The following FRYL variants were observed in gnomAD, a reference collection of about 807,000 sequenced individuals.
FRYL encodes protein furry homolog-like.
A neutral mutation model predicts 351.2 loss-of-function variants in FRYL; 150 were observed. The ratio of observed to expected loss-of-function variants is 0.43; its 90% CI spans 0.37 to 0.49. FRYL has a LOEUF of 0.49. Among genes scored for constraint, FRYL ranks in the 20% least tolerant of loss-of-function variants. FRYL has a pLI of 0.00. For synonymous variants in FRYL, 1,153 were observed against 1,257.1 expected (o/e 0.92, Z 1.75); for missense variants, 3,036 against 3,619.3 (o/e 0.84, Z 4.13).
Position 48,570,893 on chromosome 4 carries a change from T to A in FRYL, c.2930A>T (p.Asp977Val). 6.2e-7 allele frequency: 1 copy of A among 1,613,810 alleles called. No individual in the cohort carries two copies. The highest frequency in any genetic ancestry group is 8.5e-7 in the Non-Finnish European group (1 of 1,179,728). ...TCGTACCAGTTGTACTCGTAAAATG[T>A]CTCGACGCCTGCGCCGTTTCATATT... ...PENMKRRRRRDILRVQLVRIF... is the reference protein window; with the variant it reads ...PENMKRRRRRVILRVQLVRIF... Residue 977 changes from aspartate to valine, a missense_variant, in exon 27 of 64, where the codon GAC becomes GTC. Asp to Val is a radical substitution (Grantham distance 152). Around this residue, in one of 7 missense-constraint regions of FRYL, gnomAD observed 492 missense variants for 551.5 expected, o/e 0.89. Coordinates refer to ENST00000358350, the MANE Select transcript of FRYL (RefSeq NM_015030.2).
intron 1 of FRYL, chr4:48,727,505 A>G (rs969158080): frequency 6.6e-6 from 1 of 152,234 alleles, no homozygotes; most frequent in East Asian, 1.9e-4. Context: ...TAATTGACAA[A>G]TTGTTGGAGG....
Position 48,561,567 on chromosome 4 carries a change from G to A in FRYL, c.3766C>T (p.Gln1256Ter), listed in dbSNP as rs755819524. 1 of 1,612,702 alleles carries A rather than the reference G, an allele frequency of 6.2e-7. No individual in the cohort carries two copies. The highest frequency in any genetic ancestry group is 2.2e-5 in the East Asian group (1 of 44,856). The change falls in exon 33 of 64, where the codon CAG (glutamine) becomes TAG (stop). Residue 1256 changes from glutamine to a stop codon, truncating the protein, a stop_gained. Coordinates refer to ENST00000358350, the MANE Select transcript of FRYL (RefSeq NM_015030.2). LOFTEE classifies it high-confidence loss of function. ...EVQRTDGVLS[Q>*]LSPLPHLYSV... The stretch of plus-strand genomic sequence containing the variant: ...TAGAGATGTGGTAGAGGAGACAGCT[G>A]GCTGAGTACTCCATCTGTTCTCTGA...
intron 11 of FRYL, among the ~76,000 whole-genome samples, chr4:48,604,320 AGGCCTAGTATTAT>A (rs1290333330): frequency 6.6e-6 from 1 of 152,224 alleles, no homozygotes; most frequent in Non-Finnish European, 1.5e-5. Context: ...GCATGTGCAA[AGGCCTAGTATTAT>A]GGGTTGAATC....
chr4:48,629,454 G>A (rs975201521), intron 4 of FRYL, among the ~76,000 whole-genome samples: 2 of 152,118 alleles, frequency 1.3e-5, no homozygotes, highest in Non-Finnish European at 2.9e-5. Flanking sequence ...TCGGCAGTCT[G>A]TTCATTCAGT....
chr4:48,617,325 T>C (rs1749692862), intron 7 of FRYL, among the ~76,000 whole-genome samples: 1 of 148,718 alleles, frequency 6.7e-6, no homozygotes, highest in South Asian at 2.1e-4. Flanking sequence ...GAACAATGAG[T>C]CCACCAAAGA....
chr4:48,499,374 T>C lies in FRYL; in HGVS notation c.*48A>G. 6.4e-7 allele frequency: 1 copy of C among 1,574,112 alleles called. No homozygotes were observed. The highest frequency in any genetic ancestry group is 1.1e-5 in the South Asian group (1 of 88,994). On this transcript the variant is annotated 3_prime_UTR_variant, in exon 64 of 64. Coordinates refer to ENST00000358350, the MANE Select transcript of FRYL (RefSeq NM_015030.2). ...GTCCATAAAAGGTGCTTGGTTAATA[T>C]TCTTCATCATCTTCAGTTTAGTTTC...
chr4:48,581,413 A>C lies in FRYL; in HGVS notation c.2172+7T>G. 1 of 1,598,194 alleles carries C rather than the reference A, an allele frequency of 6.3e-7. No homozygotes were observed. On this transcript the variant is annotated splice_region_variant and intron_variant, in intron 21 of 63. Coordinates refer to ENST00000358350, the MANE Select transcript of FRYL (RefSeq NM_015030.2). The stretch of plus-strand genomic sequence containing the variant: ...ATAGATAACTGAATGAAATACCTAA[A>C]TCTTACCTTAGGTATTTCCAGAAGT...
intron 37 of FRYL, 116 bp from the exon 38 acceptor site, chr4:48,550,820 TC>T: frequency 2.6e-6 from 2 of 765,984 alleles, no homozygotes. Context: ...AAGCCTGTAA[TC>T]CCAGCACTTT....
intron 3 of FRYL, among the ~76,000 whole-genome samples, chr4:48,660,975 T>G (rs1261953893): frequency 6.6e-6 from 1 of 152,116 alleles, no homozygotes; most frequent in African/African-American, 2.4e-5. Context: ...TGTAAAGTGG[T>G]TTCTTGAAGC....
chr4:48,678,576 A>G (rs1168571429), intron 3 of FRYL, among the ~76,000 whole-genome samples: 2 of 151,192 alleles, frequency 1.3e-5, no homozygotes, highest in African/African-American at 4.8e-5. Flanking sequence ...TGGAAGAGCC[A>G]GACACTTTAA....
intron 40 of FRYL, 132 bp downstream of exon 40, chr4:48,548,558 A>G (rs1461516126): frequency 4.8e-6 from 3 of 622,134 alleles, no homozygotes; most frequent in Non-Finnish European, 8.6e-6. Context: ...GAGGAATCAT[A>G]GTGAAAAGTG....
At chr4:48,592,611 A>G (rs1743656322) in intron 16 of FRYL, among the ~76,000 whole-genome samples, 1 of 152,170 alleles carries the variant, frequency 6.6e-6, no homozygotes, top group Non-Finnish European at 1.5e-5. Flanking sequence ...CTTTTGTTTC[A>G]TAATTTTTGT....
At chr4:48,675,125 G>GCA (rs1763372747) in intron 3 of FRYL, among the ~76,000 whole-genome samples, 2 of 152,174 alleles carry the variant, frequency 1.3e-5, no homozygotes, top group South Asian at 4.1e-4. Flanking sequence ...TCGGCTCACT[G>GCA]CAAGCTGCGC....
chr4:48,578,637 T>C (rs2149144799), intron 23 of FRYL, among the ~76,000 whole-genome samples: 1 of 152,348 alleles, frequency 6.6e-6, no homozygotes, highest in East Asian at 1.9e-4. Flanking sequence ...TCACCCTTTA[T>C]CTACAAACTT....
At chr4:48,707,241 A>G (rs1226869677) in intron 2 of FRYL, among the ~76,000 whole-genome samples, 2 of 152,252 alleles carry the variant, frequency 1.3e-5, no homozygotes, top group Non-Finnish European at 2.9e-5. Context: ...AATGTGCAGA[A>G]GTGCAAATTC....
chr4:48,597,676 A>G (rs1744877941), intron 13 of FRYL, among the ~76,000 whole-genome samples: 1 of 152,238 alleles, frequency 6.6e-6, no homozygotes, highest in African/African-American at 2.4e-5. Context: ...ATTATTAAAA[A>G]TTATACATTA....
intron 28 of FRYL, among the ~76,000 whole-genome samples, chr4:48,566,010 T>C (rs1452675616): frequency 1.3e-5 from 2 of 152,200 alleles, no homozygotes; most frequent in African/African-American, 2.4e-5. Context: ...GGGCTATCAC[T>C]GGCTATATGG....
At chr4:48,779,738 C>A (rs370228043) in intron 1 of FRYL, among the ~76,000 whole-genome samples, 1 of 151,846 alleles carries the variant, frequency 6.6e-6, no homozygotes, top group Admixed American at 6.5e-5. Flanking sequence ...TACCCGGGCG[C>A]GCGCGAGAAG....
chr4:48,529,387 C>T (rs1007633073), intron 50 of FRYL, among the ~76,000 whole-genome samples: 3 of 152,114 alleles, frequency 2.0e-5, no homozygotes, highest in Admixed American at 6.6e-5. Context: ...ATTTTTGATG[C>T]AACAAATTGA....
Sources: gnomAD v4.1 joint callset for allele counts (sites outside exome capture counted in the v4.1 genomes callset) on GRCh38, gnomAD v4.1.1 for gene constraint, gnomAD v4.1.1 regional missense constraint, MANE v1.5 for transcripts, NCBI Gene and HGNC (gene_info 2026-07-23, HGNC 2026-07-21) for gene names.